The following GUCY1A2 variants were observed in gnomAD, a reference collection of about 807,000 sequenced individuals.
The protein encoded by GUCY1A2 is guanylate cyclase soluble subunit alpha-2.
A neutral mutation model predicts 63.5 loss-of-function variants in GUCY1A2; 27 were observed. The ratio of observed to expected loss-of-function variants is 0.43; its 90% CI spans 0.31 to 0.59. The LOEUF (loss-of-function observed/expected upper bound fraction) is 0.59. Among genes scored for constraint, GUCY1A2 ranks in the 20% least tolerant of loss-of-function variants. The pLI, the probability that GUCY1A2 is intolerant of heterozygous loss-of-function variation, is 0.11. For synonymous variants in GUCY1A2, 364 were observed against 343.5 expected, an observed-to-expected ratio of 1.06 and a Z score of -0.66; for missense variants, 768 against 913.3, an observed-to-expected ratio of 0.84 and a Z score of 2.05.
chr11:106,706,965 T>C (rs191482209), intron 7 of GUCY1A2, among the ~76,000 whole-genome samples: 1 of 152,234 alleles, frequency 6.6e-6, no homozygotes, highest in African/African-American at 2.4e-5. Flanking sequence ...AATCCTCTTA[T>C]AAATATCCTG....
chr11:106,957,548 C>A (rs144411787), intron 3 of GUCY1A2, among the ~76,000 whole-genome samples: 1,799 of 151,766 alleles, frequency 0.012, 23 homozygotes, highest in South Asian at 0.047. Flanking sequence ...TCCCCTTCCC[C>A]GTGTGGCTCT....
intron 1 of GUCY1A2, among the ~76,000 whole-genome samples, 174 bp from the exon 2 acceptor site, chr11:106,986,305 A>C (rs1051840615): frequency 6.6e-6 from 1 of 152,190 alleles, no homozygotes; most frequent in African/African-American, 2.4e-5. Context: ...AACTAATATG[A>C]GGCACTCGGC....
At chr11:106,914,848 T>C (rs1308761181) in intron 4 of GUCY1A2, among the ~76,000 whole-genome samples, 1 of 152,082 alleles carries the variant, frequency 6.6e-6, no homozygotes, top group Non-Finnish European at 1.5e-5. Flanking sequence ...TGTGAAGACC[T>C]TGTAAGTTGT....
chr11:106,794,847 A>T (rs1864726073), intron 5 of GUCY1A2, among the ~76,000 whole-genome samples: 1 of 152,162 alleles, frequency 6.6e-6, no homozygotes, highest in Non-Finnish European at 1.5e-5. Flanking sequence ...GGTACCTAGC[A>T]CATATTAGGC....
intron 7 of GUCY1A2, among the ~76,000 whole-genome samples, chr11:106,694,334 G>C (rs964204912): frequency 6.6e-6 from 1 of 152,140 alleles, no homozygotes; most frequent in Non-Finnish European, 1.5e-5. Flanking sequence ...TCTAGAGTTA[G>C]CTGTGACCCA....
intron 4 of GUCY1A2, among the ~76,000 whole-genome samples, chr11:106,855,088 T>C (rs1258127463): frequency 3.3e-5 from 5 of 151,466 alleles, no homozygotes; most frequent in Admixed American, 2.0e-4. Context: ...CTGGTGGGAG[T>C]TGGGTTCTCA....
At chr11:106,875,405 A>C (rs946745013) in intron 4 of GUCY1A2, among the ~76,000 whole-genome samples, 2 of 152,178 alleles carry the variant, frequency 1.3e-5, no homozygotes, top group South Asian at 2.1e-4. Flanking sequence ...AAATCAGCTT[A>C]AATAATGAAG....
At chr11:106,957,390 T>C (rs996962345) in intron 3 of GUCY1A2, among the ~76,000 whole-genome samples, 1 of 152,168 alleles carries the variant, frequency 6.6e-6, no homozygotes, top group Non-Finnish European at 1.5e-5. Context: ...TGTAAGAATC[T>C]GCATGTTCCA....
chr11:106,973,266 G>A (rs1861220089), intron 3 of GUCY1A2, among the ~76,000 whole-genome samples: 1 of 152,006 alleles, frequency 6.6e-6, no homozygotes, highest in African/African-American at 2.4e-5. Flanking sequence ...TAACACATGA[G>A]GCCAGCTACG....
intron 6 of GUCY1A2, among the ~76,000 whole-genome samples, chr11:106,731,251 T>C (rs554464633): frequency 6.6e-6 from 1 of 152,236 alleles, no homozygotes; most frequent in African/African-American, 2.4e-5. Context: ...GCCTTTAATG[T>C]GATTCATCAC....
intron 4 of GUCY1A2, chr11:106,827,534 T>C (rs1858988228): frequency 2.0e-6 from 3 of 1,474,374 alleles, no homozygotes; most frequent in South Asian, 1.1e-5. Flanking sequence ...CCTTCACATA[T>C]CAACTTTGGT....
chr11:106,749,885 T>C (rs74342568), intron 6 of GUCY1A2, among the ~76,000 whole-genome samples: 4,283 of 152,102 alleles, frequency 0.028, 187 homozygotes, highest in East Asian at 0.13. Flanking sequence ...TAGCACTAAA[T>C]ACACCAGTAA....
chr11:106,763,583 G>C (rs958877768), intron 6 of GUCY1A2, among the ~76,000 whole-genome samples: 4 of 152,080 alleles, frequency 2.6e-5, no homozygotes, highest in Non-Finnish European at 5.9e-5. Context: ...CAAACAAGTT[G>C]AATGGAATCC....
intron 2 of GUCY1A2, among the ~76,000 whole-genome samples, chr11:106,978,948 C>A (rs1009558012): frequency 6.6e-6 from 1 of 151,970 alleles, no homozygotes; most frequent in African/African-American, 2.4e-5. Flanking sequence ...CAACTGTTAA[C>A]AAGAAAGCTA....
chr11:106,826,973 A>T (rs982798585), intron 4 of GUCY1A2: 6 of 1,610,284 alleles, frequency 3.7e-6, no homozygotes, highest in Admixed American at 3.3e-5. Flanking sequence ...TCGCAGCCAT[A>T]TATCTTTTCA....
At position 106,957,855 on chromosome 11, in the gene GUCY1A2, CTTTTTT is replaced by C. The variant is rs59519013; in HGVS notation, c.488-17683_488-17678del. The stretch of plus-strand genomic sequence containing the variant: ...AGTCCAGTCTGAGCAAAGGGACAAA[CTTTTTT>C]TTTTTTTTTTTTTTTTTTTTTTTTT... On this transcript the variant is annotated intron_variant, in intron 3 of 7. Transcript: ENST00000526355. 1.1e-3 allele frequency among the ~76,000 whole-genome samples: 92 copies of C among 87,236 alleles called. 1 individual carries two copies. The highest frequency in any genetic ancestry group is 3.8e-3 in the African/African-American group (81 of 21,380). 57.2% of individuals were successfully genotyped at this position (87,236 alleles called of 152,430 possible).
chr11:106,736,956 CT>C (rs1217833993), intron 6 of GUCY1A2, among the ~76,000 whole-genome samples: 1 of 152,144 alleles, frequency 6.6e-6, no homozygotes, highest in Non-Finnish European at 1.5e-5. Context: ...CCACATTGCT[CT>C]CAGGGAAGCC....
chr11:106,704,381 A>T (rs1862869484), intron 7 of GUCY1A2, among the ~76,000 whole-genome samples: 1 of 152,212 alleles, frequency 6.6e-6, no homozygotes, highest in Non-Finnish European at 1.5e-5. Context: ...GTCCAAAGAA[A>T]TTAAGTCACT....
chr11:106,752,525 C>G (rs1424382857), intron 6 of GUCY1A2, among the ~76,000 whole-genome samples: 2 of 152,106 alleles, frequency 1.3e-5, no homozygotes, highest in Admixed American at 1.3e-4. Flanking sequence ...CCCGACCCCC[C>G]AGCAGGCCCT....
Sources: allele counts gnomAD v4.1 joint callset (sites outside exome capture counted in the v4.1 genomes callset), GRCh38; gene constraint gnomAD v4.1.1; transcripts MANE v1.5; gene names NCBI Gene and HGNC (gene_info 2026-07-23, HGNC 2026-07-21).